NRDC: variants seen among roughly 807,000 people sequenced by gnomAD.
NRDC encodes the protein nardilysin.
NRDC carries 54 observed loss-of-function variants against 147.1 expected under a neutral mutation model. That is an observed-to-expected ratio of 0.37 (90% CI 0.29 to 0.46). The LOEUF (loss-of-function observed/expected upper bound fraction) is 0.46. NRDC is among the 20% of genes least tolerant of loss of function. NRDC has a pLI of 1.00. For synonymous variants in NRDC, 440 were observed against 482.1 expected (o/e 0.91, Z 1.14); for missense variants, 1,082 against 1,370.6 (o/e 0.79, Z 3.33).
Position 51,810,345 on chromosome 1 carries a change from A to C in NRDC, c.1839T>G (p.Ser613=), listed in dbSNP as rs1460152615. ...GGTCACATTTTCCCTCATTAGCACC[A>C]GACAGTAAAACAAGATTTGCTTTTT... ...VPQKANLVLL[S]GANEGKCDLK... is the part of the protein sequence containing the mutation. The change falls in exon 16 of 31, where the codon TCT becomes TCG. Residue 613 remains serine, a synonymous_variant. Transcript: ENST00000352171. The C allele has an allele frequency of 6.2e-7, 1 of 1,612,350 alleles. No homozygotes were observed.
intron 3 of NRDC, 104 bp from the exon 4 acceptor site, chr1:51,834,274 C>A: frequency 8.8e-7 from 1 of 1,142,262 alleles, no homozygotes; most frequent in Non-Finnish European, 1.3e-6. Context: ...GAAAATAGAC[C>A]AACACATCAA....
intron 17 of NRDC, among the ~76,000 whole-genome samples, chr1:51,808,731 G>A (rs1339968449): frequency 1.3e-5 from 2 of 152,194 alleles, no homozygotes; most frequent in Admixed American, 6.5e-5. Flanking sequence ...CCTAGGATTG[G>A]TAGCTTTCAA....
chr1:51,846,795 C>T (rs1395403578), intron 1 of NRDC, among the ~76,000 whole-genome samples: 2 of 152,248 alleles, frequency 1.3e-5, no homozygotes, highest in Non-Finnish European at 1.5e-5. Flanking sequence ...CCACCCACAT[C>T]CTGCTGATTG....
chr1:51,844,415 T>C lies in NRDC; in HGVS notation c.342-3901A>G, dbSNP rs867991174. On this transcript the variant is annotated intron_variant, in intron 1 of 30. Transcript: ENST00000352171. ...TTTGGAAACACGATGGTACACCAGA[T>C]ATGTGTGCACACAGAGAAAAGACCA... is the stretch of plus-strand genomic sequence containing the variant. Among the ~76,000 whole-genome samples the C allele has an allele frequency of 3.8e-4, 57 of 151,896 alleles. 1 individual carries two copies. The highest frequency in any genetic ancestry group is 1.4e-3 in the African/African-American group (57 of 41,304).
At chr1:51,833,509 A>G (rs529292663) in intron 4 of NRDC, among the ~76,000 whole-genome samples, 2 of 152,208 alleles carry the variant, frequency 1.3e-5, no homozygotes, top group African/African-American at 4.8e-5. Flanking sequence ...ATAAAACCCA[A>G]AAGGTGTTGA....
At chr1:51,864,906 T>C (rs1211410748) in intron 1 of NRDC, among the ~76,000 whole-genome samples, 2 of 150,224 alleles carry the variant, frequency 1.3e-5, no homozygotes, top group East Asian at 3.9e-4. Flanking sequence ...GCTGAGATCA[T>C]GCCACTGCAC....
chr1:51,829,888 T>C (rs1344712800), intron 4 of NRDC, among the ~76,000 whole-genome samples: 1 of 152,092 alleles, frequency 6.6e-6, no homozygotes. Context: ...GATGTATCTT[T>C]TCATTTTACA....
intron 21 of NRDC, 80 bp from the exon 22 acceptor site, chr1:51,798,491 A>G (rs999753809): frequency 4.9e-6 from 6 of 1,212,164 alleles, no homozygotes; most frequent in Non-Finnish European, 7.0e-6. Context: ...GTTTGGTCAA[A>G]GTTCTATAAA....
chr1:51,865,432 G>A (rs1682760024), intron 1 of NRDC, among the ~76,000 whole-genome samples: 3 of 151,754 alleles, frequency 2.0e-5, no homozygotes, highest in African/African-American at 7.3e-5. Flanking sequence ...AGCCTCCCGA[G>A]TAGCCAGGAT....
chr1:51,798,231 A>G lies in NRDC; in HGVS notation c.2604+18T>C. 6.8e-6 allele frequency: 11 copies of G among 1,613,454 alleles called. No homozygotes were observed. Among genetic ancestry groups the G allele is most frequent in the Non-Finnish European group, 7.6e-6 (9 of 1,179,438 alleles). On this transcript the variant is annotated intron_variant, in intron 22 of 30. Coordinates refer to ENST00000352171, the MANE Select transcript of NRDC (RefSeq NM_001101662.2). The stretch of plus-strand genomic sequence containing the variant: ...ACAACTGCATTCAGACCTGGCCTAC[A>G]GAGCATCTCACACTCACTGTGCTTG...
intron 1 of NRDC, among the ~76,000 whole-genome samples, chr1:51,849,951 G>A (rs1681860867): frequency 6.6e-6 from 1 of 152,138 alleles, no homozygotes; most frequent in Non-Finnish European, 1.5e-5. Context: ...GGCTAAGGCA[G>A]GCAGATCACT....
intron 1 of NRDC, among the ~76,000 whole-genome samples, chr1:51,860,562 C>A (rs1682480694): frequency 6.6e-6 from 1 of 152,216 alleles, no homozygotes. Context: ...ACACCTTGGT[C>A]ACCGGGAGAG....
chr1:51,844,359 A>G (rs1208125652), intron 1 of NRDC, among the ~76,000 whole-genome samples: 1 of 152,100 alleles, frequency 6.6e-6, no homozygotes, highest in Non-Finnish European at 1.5e-5. Context: ...TCTGAATCCA[A>G]TCTGAATGGT....
In NRDC at chr1:51,806,900, C is replaced by T. The variant is rs374713093; in HGVS notation, c.2004G>A (p.Thr668=). Reference sequence around the variant, plus strand: ...TTTCCGGGCAATCGAAAGCCTTCAACGTAAAGTCCGTGGCTAATAAAAGAA... The same window carrying T: ...TTTCCGGGCAATCGAAAGCCTTCAATGTAAAGTCCGTGGCTAATAAAAGAA... ...AENKYIATDF[T]LKAFDCPETE... is the part of the protein sequence containing the mutation. Residue 668 remains threonine, a synonymous_variant, in exon 18 of 31, where the codon ACG becomes ACA. Transcript: ENST00000352171. 7.3e-5 allele frequency: 118 copies of T among 1,613,532 alleles called. No individual in the cohort carries two copies. The highest frequency in any genetic ancestry group is 1.3e-4 in the Admixed American group (8 of 59,916).
intron 4 of NRDC, among the ~76,000 whole-genome samples, chr1:51,832,757 T>C (rs914748747): frequency 6.6e-6 from 1 of 152,048 alleles, no homozygotes; most frequent in African/African-American, 2.4e-5. Context: ...AAAAAAAAAG[T>C]CTTAAAAATA....
At chr1:51,790,761 C>T (rs754790564) in intron 28 of NRDC, 112 bp from the exon 29 acceptor site, 58 of 966,756 alleles carry the variant, frequency 6.0e-5, no homozygotes, top group Admixed American at 2.9e-4. Flanking sequence ...ATAAGAGGCA[C>T]GGATGAAGCT....
chr1:51,817,965 A>G, intron 10 of NRDC, 101 bp downstream of exon 10: 1 of 799,648 alleles, frequency 1.3e-6, no homozygotes, highest in Non-Finnish European at 2.0e-6. Context: ...CCGTATTGCT[A>G]TGTTTATAAA....
intron 3 of NRDC, among the ~76,000 whole-genome samples, chr1:51,835,350 C>T (rs559979114): frequency 2.0e-5 from 3 of 151,886 alleles, no homozygotes; most frequent in East Asian, 1.9e-4. Flanking sequence ...AGTGAGCCAC[C>T]GCGCCCGGCC....
chr1:51,792,305 A>G, intron 25 of NRDC, 72 bp downstream of exon 25: 2 of 1,505,202 alleles, frequency 1.3e-6, no homozygotes, highest in Non-Finnish European at 1.8e-6. Flanking sequence ...TCCCTAACCC[A>G]GGCAGAAAAG....
Sources: gnomAD v4.1 joint callset for allele counts (sites outside exome capture counted in the v4.1 genomes callset) on GRCh38, gnomAD v4.1.1 for gene constraint, MANE v1.5 for transcripts, NCBI Gene and HGNC (gene_info 2026-07-23, HGNC 2026-07-21) for gene names.